The following GPC5 variants were observed in gnomAD, a reference collection of about 807,000 sequenced individuals.
GPC5 encodes glypican 5.
GPC5 carries 47 observed loss-of-function variants against 53.9 expected under a neutral mutation model. The ratio of observed to expected loss-of-function variants is 0.87; its 90% CI spans 0.69 to 1.11. The LOEUF is 1.11. Ranked by LOEUF, GPC5 falls within the 50% of genes most tolerant of loss-of-function variation. The probability of loss-of-function intolerance (pLI) is 0.00; values close to 1 mark genes in which losing one functional copy is unlikely to be tolerated. For missense variants in GPC5, 748 were observed against 713.1 expected (o/e 1.05, Z -0.56); for synonymous variants, 286 against 263.3 (o/e 1.09, Z -0.84).
chr13:91,625,622 A>G (rs962897038), intron 2 of GPC5, among the ~76,000 whole-genome samples: 3 of 152,038 alleles, frequency 2.0e-5, no homozygotes, highest in East Asian at 3.9e-4. Flanking sequence ...AGCCTTCACA[A>G]TAAAGTCCTT....
chr13:92,344,727 A>C (rs1566548187), intron 7 of GPC5, among the ~76,000 whole-genome samples: 1 of 152,170 alleles, frequency 6.6e-6, no homozygotes, highest in Admixed American at 6.6e-5. Flanking sequence ...CCAGCACCAG[A>C]GGAGAAAGCA....
intron 7 of GPC5, among the ~76,000 whole-genome samples, chr13:92,754,584 C>T (rs1226155914): frequency 1.3e-5 from 2 of 151,378 alleles, no homozygotes; most frequent in Non-Finnish European, 2.9e-5. Context: ...TCAGGAAACC[C>T]ATCTCACGTG....
chr13:91,462,570 T>A (rs1167390607), intron 2 of GPC5, among the ~76,000 whole-genome samples: 1 of 152,104 alleles, frequency 6.6e-6, no homozygotes, highest in Non-Finnish European at 1.5e-5. Flanking sequence ...GCTGAAAATG[T>A]GAAATATCGT....
intron 5 of GPC5, among the ~76,000 whole-genome samples, chr13:91,761,141 C>T (rs17668312): frequency 0.048 from 7,328 of 152,106 alleles, 356 homozygotes; most frequent in East Asian, 0.22. Flanking sequence ...CATTGAAGTT[C>T]AGGTGACAGC....
chr13:92,373,811 A>T (rs2043670654), intron 7 of GPC5, among the ~76,000 whole-genome samples: 1 of 152,188 alleles, frequency 6.6e-6, no homozygotes, highest in African/African-American at 2.4e-5. Context: ...TCTAAAAGGG[A>T]CAAATTCTGC....
At chr13:92,702,692 A>G (rs950919923) in intron 7 of GPC5, among the ~76,000 whole-genome samples, 1 of 152,078 alleles carries the variant, frequency 6.6e-6, no homozygotes, top group Admixed American at 6.6e-5. Flanking sequence ...TCGGTCCATC[A>G]TCGCCTATTC....
intron 1 of GPC5, among the ~76,000 whole-genome samples, chr13:91,444,194 C>T (rs1880628549): frequency 6.6e-6 from 1 of 152,026 alleles, no homozygotes; most frequent in African/African-American, 2.4e-5. Context: ...AGTAAGGCTT[C>T]ATTTAGAATT....
At chr13:92,752,602 C>T (rs1411757856) in intron 7 of GPC5, among the ~76,000 whole-genome samples, 1 of 152,088 alleles carries the variant, frequency 6.6e-6, no homozygotes, top group Non-Finnish European at 1.5e-5. Flanking sequence ...TAGGGAGTGC[C>T]AGACAGTGGG....
intron 7 of GPC5, among the ~76,000 whole-genome samples, chr13:92,653,620 C>T (rs1365133353): frequency 6.6e-6 from 1 of 152,126 alleles, no homozygotes; most frequent in Non-Finnish European, 1.5e-5. Flanking sequence ...AAGAATTTCA[C>T]AAGTTACAAG....
chr13:91,597,568 C>T (rs2033039481), intron 2 of GPC5, among the ~76,000 whole-genome samples: 1 of 152,178 alleles, frequency 6.6e-6, no homozygotes, highest in African/African-American at 2.4e-5. Flanking sequence ...TGCGCCAACA[C>T]CTCCTTGAAA....
chr13:92,468,905 A>G (rs1274559893), intron 7 of GPC5, among the ~76,000 whole-genome samples: 1 of 152,088 alleles, frequency 6.6e-6, no homozygotes, highest in Non-Finnish European at 1.5e-5. Flanking sequence ...TACTCTGTCC[A>G]GGCATCACTG....
Position 91,626,586 on chromosome 13 carries a change from G to A in GPC5, c.326-66601G>A, listed in dbSNP as rs11839390. Among the ~76,000 whole-genome samples, 1,503 of 152,076 alleles carry A rather than the reference G, an allele frequency of 9.9e-3. 23 individuals are homozygous for A. The highest frequency in any genetic ancestry group is 0.033 in the African/African-American group (1,390 of 41,506). On this transcript the variant is annotated intron_variant, in intron 2 of 7. Transcript: ENST00000377067. ...GCCCTGTCCAGTTGCTCTGGCGGTCGATATCACATGAAGTTACATTCTAAA... is the reference window on the plus strand; with the variant it reads ...GCCCTGTCCAGTTGCTCTGGCGGTCAATATCACATGAAGTTACATTCTAAA...
intron 6 of GPC5, among the ~76,000 whole-genome samples, chr13:91,959,788 C>A (rs2040109894): frequency 6.6e-6 from 1 of 151,930 alleles, no homozygotes; most frequent in African/African-American, 2.4e-5. Context: ...CCCAGGGATG[C>A]AAGGATGGTT....
chr13:91,698,602 A>G (rs925599231), intron 3 of GPC5, among the ~76,000 whole-genome samples: 1 of 152,222 alleles, frequency 6.6e-6, no homozygotes, highest in Non-Finnish European at 1.5e-5. Context: ...AGATTTTGCA[A>G]AAATAAGTAC....
At chr13:91,576,896 G>C (rs1314462554) in intron 2 of GPC5, among the ~76,000 whole-genome samples, 1 of 151,742 alleles carries the variant, frequency 6.6e-6, no homozygotes, top group East Asian at 1.9e-4. Context: ...AGATTCAGTT[G>C]ATTGCTTACA....
chr13:91,763,837 G>T (rs948904048), intron 5 of GPC5, among the ~76,000 whole-genome samples: 4 of 152,058 alleles, frequency 2.6e-5, no homozygotes, highest in Admixed American at 2.6e-4. Context: ...ATTGTGTCCA[G>T]GACCTCTCTC....
intron 2 of GPC5, among the ~76,000 whole-genome samples, chr13:91,623,383 G>A (rs564181631): frequency 6.6e-5 from 10 of 152,196 alleles, no homozygotes; most frequent in East Asian, 1.9e-4. Flanking sequence ...AGACCTTCTC[G>A]AGACCATGGT....
At chr13:92,594,099 T>C (rs929344813) in intron 7 of GPC5, among the ~76,000 whole-genome samples, 3 of 152,174 alleles carry the variant, frequency 2.0e-5, no homozygotes, top group African/African-American at 7.2e-5. Context: ...GAAGGTAAAA[T>C]GTAACCCTAT....
chr13:92,340,970 C>T (rs188993985), intron 7 of GPC5, among the ~76,000 whole-genome samples: 2 of 152,246 alleles, frequency 1.3e-5, no homozygotes, highest in East Asian at 3.9e-4. Flanking sequence ...AAGGAGTTCT[C>T]TTTAACACGT....
Sources: gnomAD v4.1 joint callset for allele counts (sites outside exome capture counted in the v4.1 genomes callset) on GRCh38, gnomAD v4.1.1 for gene constraint, MANE v1.5 for transcripts, NCBI Gene and HGNC (gene_info 2026-07-23, HGNC 2026-07-21) for gene names.